The following CDC73 variants were observed in gnomAD, a reference collection of about 807,000 sequenced individuals.
CDC73 encodes parafibromin.
A neutral mutation model predicts 83.7 loss-of-function variants in CDC73; 21 were observed. The ratio of observed to expected loss-of-function variants is 0.25; its 90% CI spans 0.18 to 0.36. The LOEUF (loss-of-function observed/expected upper bound fraction) is 0.36, where lower values mean the gene tolerates loss of function less well. Ranked by LOEUF, CDC73 falls within the 10% of genes least tolerant of loss-of-function variation. CDC73 has a pLI of 1.00. For synonymous variants in CDC73, 224 were observed against 212.9 expected (o/e 1.05, Z -0.45); for missense variants, 342 against 653.3 (o/e 0.52, Z 5.19).
chr1:193,236,576 A>C (rs1677762902), intron 15 of CDC73, among the ~76,000 whole-genome samples: 1 of 152,166 alleles, frequency 6.6e-6, no homozygotes, highest in African/African-American at 2.4e-5. Flanking sequence ...CTATCCCACA[A>C]CATTACTAAT....
chr1:193,182,212 T>C (rs922566511), intron 10 of CDC73, among the ~76,000 whole-genome samples: 16 of 152,136 alleles, frequency 1.1e-4, no homozygotes, highest in African/African-American at 9.7e-5. Context: ...ATGTTTCCAT[T>C]GGCCCCTACT....
In CDC73 at chr1:193,131,470, T is replaced by A. The variant is rs572049522; in HGVS notation, c.307+1227T>A. Among the ~76,000 whole-genome samples the A allele has an allele frequency of 2.0e-5, 3 of 152,330 alleles. No individual in the cohort carries two copies. In the East Asian group the frequency reaches 5.8e-4, roughly 29 times the overall value. ...ACAGGTCCCCACTCTTTATTTCCTA[T>A]AGTGTAGTCTTAGCAATAGAGTGTC... On this transcript the variant is annotated intron_variant, in intron 3 of 16. Transcript: ENST00000367435.
chr1:193,181,832 A>G, intron 10 of CDC73: 1 of 384,790 alleles, frequency 2.6e-6, no homozygotes, highest in Non-Finnish European at 4.6e-6. Flanking sequence ...ACATAACATC[A>G]CTGAGAACAA....
intron 10 of CDC73, among the ~76,000 whole-genome samples, chr1:193,197,171 TC>T (rs571417288): frequency 1.6e-3 from 242 of 152,340 alleles, no homozygotes; most frequent in Non-Finnish European, 2.9e-3. Flanking sequence ...GTCTTTTTTT[TC>T]TACATCATTT....
chr1:193,223,101 A>G (rs999625484), intron 13 of CDC73, among the ~76,000 whole-genome samples: 1 of 152,034 alleles, frequency 6.6e-6, no homozygotes, highest in Non-Finnish European at 1.5e-5. Context: ...CATATTTGCA[A>G]GCTTGTTTTA....
At chr1:193,139,550 T>C (rs536614107) in intron 6 of CDC73, among the ~76,000 whole-genome samples, 5 of 152,366 alleles carry the variant, frequency 3.3e-5, no homozygotes, top group African/African-American at 1.2e-4. Context: ...TTGATTGATA[T>C]TTCTCCTCGT....
chr1:193,250,580 T>C, intron 16 of CDC73, 96 bp from the exon 17 acceptor site: 1 of 867,346 alleles, frequency 1.2e-6, no homozygotes, highest in Middle Eastern at 2.3e-4. Flanking sequence ...CTGTTGATTT[T>C]AAGTTTTAAG....
At chr1:193,235,760 T>G (rs1299968443) in intron 14 of CDC73, among the ~76,000 whole-genome samples, 1 of 152,174 alleles carries the variant, frequency 6.6e-6, no homozygotes, top group Non-Finnish European at 1.5e-5. Flanking sequence ...TCCTAAGTAA[T>G]CACAAGAACT....
chr1:193,142,620 T>C (rs1675925066), intron 7 of CDC73, among the ~76,000 whole-genome samples: 1 of 152,088 alleles, frequency 6.6e-6, no homozygotes, highest in South Asian at 2.1e-4. Context: ...CTTTCTTCTC[T>C]CTGCCCCCCT....
At chr1:193,131,370 A>G (rs544559540) in intron 3 of CDC73, among the ~76,000 whole-genome samples, 6 of 152,274 alleles carry the variant, frequency 3.9e-5, no homozygotes, top group Admixed American at 3.9e-4. Context: ...TTCTCTTTTT[A>G]AAAGTATGAC....
At chr1:193,211,618 G>A (rs1677282282) in intron 11 of CDC73, among the ~76,000 whole-genome samples, 1 of 152,176 alleles carries the variant, frequency 6.6e-6, no homozygotes, top group South Asian at 2.1e-4. Flanking sequence ...ATAACAGTGA[G>A]GGAGATGACT....
Position 193,122,037 on chromosome 1 carries a change from G to A in CDC73, c.-164G>A, listed in dbSNP as rs950231584. 6.0e-6 allele frequency: 4 copies of A among 665,716 alleles called. No individual in the cohort carries two copies. The highest frequency in any genetic ancestry group is 1.1e-5 in the Non-Finnish European group (4 of 378,338). The allele number at this position is 665,716 out of a possible 1,614,324, so 41.2% of individuals were successfully genotyped here. Reference sequence around the variant, plus strand: ...GTCCTCGGCGGCCTGGGTGGCTACTGCCCCTGCTGCTGTCGTAGGCGAGGA... The same window carrying A: ...GTCCTCGGCGGCCTGGGTGGCTACTACCCCTGCTGCTGTCGTAGGCGAGGA... On this transcript the variant is annotated 5_prime_UTR_variant, in exon 1 of 17. Coordinates refer to ENST00000367435, the MANE Select transcript of CDC73 (RefSeq NM_024529.5).
chr1:193,198,621 T>C (rs948716482), intron 10 of CDC73, among the ~76,000 whole-genome samples: 55 of 152,304 alleles, frequency 3.6e-4, no homozygotes, highest in African/African-American at 1.2e-3. Context: ...ACAAATGTCC[T>C]AAGACATGAT....
chr1:193,242,178 G>A (rs1376007979), intron 15 of CDC73, among the ~76,000 whole-genome samples: 1 of 152,192 alleles, frequency 6.6e-6, no homozygotes, highest in Non-Finnish European at 1.5e-5. Flanking sequence ...CCCAGGGTAG[G>A]ATGCAGTCTG....
chr1:193,248,885 A>C (rs997711449), intron 15 of CDC73, among the ~76,000 whole-genome samples: 1 of 152,014 alleles, frequency 6.6e-6, no homozygotes, highest in African/African-American at 2.4e-5. Context: ...GATAGAATTC[A>C]CTCCAGTGAG....
At chr1:193,124,092 A>G (rs928946893) in intron 1 of CDC73, among the ~76,000 whole-genome samples, 5 of 152,264 alleles carry the variant, frequency 3.3e-5, no homozygotes, top group African/African-American at 1.2e-4. Flanking sequence ...AGAACTGGAA[A>G]GTAAATGTGT....
intron 5 of CDC73, among the ~76,000 whole-genome samples, chr1:193,136,753 G>C (rs1277372010): frequency 2.6e-5 from 4 of 152,050 alleles, no homozygotes; most frequent in Admixed American, 2.6e-4. Flanking sequence ...ATGAATTTAG[G>C]GATACCATTT....
chr1:193,158,587 AATATTACTTTT>A (rs1218236289), intron 10 of CDC73, among the ~76,000 whole-genome samples: 3 of 152,100 alleles, frequency 2.0e-5, no homozygotes, highest in Non-Finnish European at 4.4e-5. Context: ...TATAAGTAGG[AATATTACTTTT>A]ATAAAATGTT....
chr1:193,198,024 A>T (rs1677031626), intron 10 of CDC73, among the ~76,000 whole-genome samples: 1 of 151,926 alleles, frequency 6.6e-6, no homozygotes, highest in East Asian at 1.9e-4. Context: ...ATATTCATTT[A>T]ATAGATAAAG....
Sources: gnomAD v4.1 joint callset for allele counts (sites outside exome capture counted in the v4.1 genomes callset) on GRCh38, gnomAD v4.1.1 for gene constraint, MANE v1.5 for transcripts, NCBI Gene and HGNC (gene_info 2026-07-23, HGNC 2026-07-21) for gene names.